Variants in PITPNM2 observed in about 807,000 individuals in gnomAD.
The protein encoded by PITPNM2 is membrane-associated phosphatidylinositol transfer protein 2.
Under a neutral mutation model 132.2 loss-of-function variants are expected in PITPNM2, and 35 were observed. The observed-to-expected ratio is 0.26, with a 90% confidence interval of 0.20 to 0.35. The LOEUF (loss-of-function observed/expected upper bound fraction) is 0.35, where lower values mean the gene tolerates loss of function less well. PITPNM2 is among the 10% of genes least tolerant of loss of function. The pLI, the probability that PITPNM2 is intolerant of heterozygous loss-of-function variation, is 1.00. For missense variants in PITPNM2, 1,332 were observed against 1,912.0 expected, an observed-to-expected ratio of 0.70 and a Z score of 5.66; for synonymous variants, 738 against 799.2, an observed-to-expected ratio of 0.92 and a Z score of 1.29.
At chr12:123,046,024 G>A (rs985930947) in intron 2 of PITPNM2, among the ~76,000 whole-genome samples, 8 of 152,016 alleles carry the variant, frequency 5.3e-5, no homozygotes, top group African/African-American at 1.9e-4. Flanking sequence ...CCTAAGACAG[G>A]GTTTCCCAAA....
chr12:123,066,270 G>C (rs1331980919), intron 2 of PITPNM2, among the ~76,000 whole-genome samples: 1 of 152,140 alleles, frequency 6.6e-6, no homozygotes, highest in African/African-American at 2.4e-5. Flanking sequence ...TCGAGCAAGG[G>C]GAGGGCCTGA....
intron 17 of PITPNM2, 96 bp from the exon 18 acceptor site, chr12:122,990,044 C>A: frequency 9.4e-7 from 1 of 1,066,850 alleles, no homozygotes; most frequent in Non-Finnish European, 1.2e-6. Context: ...CAGTGCCAGG[C>A]CTGGAGCTAT....
At chr12:123,047,298 G>A (rs955126390) in intron 2 of PITPNM2, among the ~76,000 whole-genome samples, 2 of 152,176 alleles carry the variant, frequency 1.3e-5, no homozygotes, top group African/African-American at 4.8e-5. Flanking sequence ...CAAACCTTCT[G>A]GCTGAGGGAA....
chr12:123,121,531 CTTTTTTA>C (rs941875696), intron 1 of PITPNM2, among the ~76,000 whole-genome samples: 3 of 151,960 alleles, frequency 2.0e-5, no homozygotes, highest in Admixed American at 6.6e-5. Context: ...ACCATAATAA[CTTTTTTA>C]TTTTTATTTT....
intron 1 of PITPNM2, among the ~76,000 whole-genome samples, chr12:123,144,466 T>A (rs912811542): frequency 3.3e-5 from 5 of 152,184 alleles, no homozygotes; most frequent in Non-Finnish European, 5.9e-5. Flanking sequence ...AGAGTCTCAC[T>A]CTGTCGCCAG....
At chr12:123,069,591 T>G (rs747834455) in intron 2 of PITPNM2, among the ~76,000 whole-genome samples, 6 of 152,080 alleles carry the variant, frequency 3.9e-5, no homozygotes, top group Non-Finnish European at 8.8e-5. Context: ...TTCCTCGCCT[T>G]CCAGGCCCCC....
chr12:123,065,265 G>A (rs1408467286), intron 2 of PITPNM2, among the ~76,000 whole-genome samples: 1 of 152,194 alleles, frequency 6.6e-6, no homozygotes, highest in Non-Finnish European at 1.5e-5. Flanking sequence ...TGGCATCCAG[G>A]GTTCCCCCAT....
chr12:123,098,188 C>T (rs2042460154), intron 2 of PITPNM2, among the ~76,000 whole-genome samples: 1 of 152,180 alleles, frequency 6.6e-6, no homozygotes, highest in Admixed American at 6.5e-5. Flanking sequence ...CCATTTCTGT[C>T]CTCTGGGATG....
Position 122,995,609 on chromosome 12 carries a change from C to T in PITPNM2, c.1834G>A (p.Gly612Ser), listed in dbSNP as rs764551528. ...CCGCCACCGCCGCCACCGCCACCAC[C>T]GCAGCAGTGTGCTGCATTCATCAGG... is the stretch of plus-strand genomic sequence containing the variant. ...GILMNAAHCC[G>S]GGGGGGGGGG... Residue 612 changes from glycine (G) to serine (S), a missense_variant, in exon 14 of 26, where the codon GGT becomes AGT. Physicochemically the swap from Gly to Ser is moderately conservative, Grantham distance 56 (BLOSUM62 0). Coordinates refer to ENST00000320201, the MANE Select transcript of PITPNM2 (RefSeq NM_020845.3). 17 of 1,604,910 alleles carry T rather than the reference C, an allele frequency of 1.1e-5. No homozygotes were observed. The highest frequency in any genetic ancestry group is 1.7e-4 in the Middle Eastern group (1 of 6,056).
Position 123,080,850 on chromosome 12 carries a change from C to T in PITPNM2, c.-96+29535G>A, listed in dbSNP as rs115425012. On this transcript the variant is annotated intron_variant, in intron 2 of 25. Transcript: ENST00000320201. ...GGGTTTGCTCTAGAGATGATGCTGG[C>T]GCCACCCAATAGAACTTTCCCCAGT... Among the ~76,000 whole-genome samples, 929 of 152,290 alleles carry T rather than the reference C, an allele frequency of 6.1e-3. 12 individuals carry two copies. The highest frequency in any genetic ancestry group is 0.021 in the African/African-American group (893 of 41,546).
intron 1 of PITPNM2, among the ~76,000 whole-genome samples, chr12:123,146,600 A>C (rs1010912561): frequency 6.6e-6 from 1 of 151,966 alleles, no homozygotes; most frequent in African/African-American, 2.4e-5. Flanking sequence ...ATCTAAAAAT[A>C]ATAATAATTT....
intron 2 of PITPNM2, among the ~76,000 whole-genome samples, chr12:123,070,048 T>A (rs796124905): frequency 1.6e-4 from 24 of 152,270 alleles, no homozygotes; most frequent in African/African-American, 5.1e-4. Context: ...GTCCCCAGGT[T>A]GGCAAGACCC....
intron 2 of PITPNM2, among the ~76,000 whole-genome samples, chr12:123,049,260 C>T (rs527992631): frequency 2.6e-5 from 4 of 152,312 alleles, no homozygotes; most frequent in African/African-American, 9.6e-5. Flanking sequence ...AGCTCCCAAG[C>T]GTGCTTGTCC....
chr12:123,059,571 A>G (rs2041164176), intron 2 of PITPNM2, among the ~76,000 whole-genome samples: 1 of 152,170 alleles, frequency 6.6e-6, no homozygotes. Flanking sequence ...TTGTTTTCAT[A>G]TCATCTGAGC....
intron 2 of PITPNM2, among the ~76,000 whole-genome samples, chr12:123,040,266 A>T (rs1046294659): frequency 6.6e-6 from 1 of 152,166 alleles, no homozygotes; most frequent in Non-Finnish European, 1.5e-5. Flanking sequence ...ATAGTTACAG[A>T]GTTTCTATTT....
intron 1 of PITPNM2, among the ~76,000 whole-genome samples, chr12:123,136,893 A>C (rs529691515): frequency 1.3e-5 from 2 of 152,228 alleles, no homozygotes; most frequent in Admixed American, 1.3e-4. Flanking sequence ...ACTCCGTCTC[A>C]AAAAAAATAA....
chr12:123,005,663 G>T lies in PITPNM2; in HGVS notation c.644-115C>A. The T allele has an allele frequency of 9.6e-7, 1 of 1,041,582 alleles. No individual in the cohort carries two copies. The highest frequency in any genetic ancestry group is 1.4e-6 in the Non-Finnish European group (1 of 716,234). 64.5% of individuals were successfully genotyped at this position (1,041,582 alleles called of 1,614,324 possible). A position where few individuals can be genotyped will look rare whatever the true frequency, so the allele number is the denominator to read the frequency against. On this transcript the variant is annotated intron_variant, in intron 6 of 25. Coordinates refer to ENST00000320201, the MANE Select transcript of PITPNM2 (RefSeq NM_020845.3). This position sits in a 1 kb window ranked among gnomAD's most constrained non-coding sequence, Gnocchi z 6.2. ...TTTGGGAGGCTGTACCCATGTTGCA[G>T]GTCAAACTAAAGTCACTGCCTGTCT...
intron 3 of PITPNM2, among the ~76,000 whole-genome samples, chr12:123,019,789 C>T (rs770202195): frequency 2.0e-5 from 3 of 152,308 alleles, no homozygotes; most frequent in African/African-American, 7.2e-5. Flanking sequence ...ACTTGGAGTA[C>T]GTGGAAGACC....
At chr12:123,052,645 T>G (rs2040899307) in intron 2 of PITPNM2, among the ~76,000 whole-genome samples, 1 of 152,134 alleles carries the variant, frequency 6.6e-6, no homozygotes, top group African/African-American at 2.4e-5. Context: ...AAAATAAAAT[T>G]TTAAAACAGC....
Sources: gnomAD v4.1 joint callset for allele counts (sites outside exome capture counted in the v4.1 genomes callset) on GRCh38, gnomAD v4.1.1 for gene constraint, Gnocchi (gnomAD v3.1) non-coding constraint, MANE v1.5 for transcripts, NCBI Gene and HGNC (gene_info 2026-07-23, HGNC 2026-07-21) for gene names.